STK32B: variants seen among roughly 807,000 people sequenced by gnomAD.
STK32B encodes the protein serine/threonine-protein kinase 32B.
STK32B carries 43 observed loss-of-function variants against 52.6 expected under a neutral mutation model. The ratio of observed to expected loss-of-function variants is 0.82; its 90% CI spans 0.64 to 1.05. The LOEUF (loss-of-function observed/expected upper bound fraction) is 1.05. STK32B is among the 50% of genes least tolerant of loss of function. STK32B has a pLI of 0.00. For missense variants in STK32B, 621 were observed against 534.6 expected (o/e 1.16, Z -1.59); for synonymous variants, 238 against 204.3 (o/e 1.17, Z -1.41).
intron 1 of STK32B, among the ~76,000 whole-genome samples, chr4:5,099,146 T>C (rs1469922836): frequency 6.6e-6 from 1 of 152,156 alleles, no homozygotes; most frequent in Non-Finnish European, 1.5e-5. Flanking sequence ...CCTCCTGTCT[T>C]CAAAGCCAGC....
intron 3 of STK32B, among the ~76,000 whole-genome samples, chr4:5,244,577 T>C (rs2108822016): frequency 6.6e-6 from 1 of 152,362 alleles, no homozygotes; most frequent in East Asian, 1.9e-4. Flanking sequence ...TCTGTTTCCT[T>C]CAGTTCTGCT....
At chr4:5,078,259 G>A (rs894557911) in intron 1 of STK32B, among the ~76,000 whole-genome samples, 1 of 152,150 alleles carries the variant, frequency 6.6e-6, no homozygotes, top group African/African-American at 2.4e-5. Flanking sequence ...GCCAAAATGT[G>A]CTGGACTTCC....
chr4:5,496,539 A>G lies in STK32B; in HGVS notation c.1107-2406A>G, dbSNP rs561165481. On this transcript the variant is annotated intron_variant, in intron 11 of 11. Transcript: ENST00000282908. ...CCCCTTGCGCTTCCCGAGTGAGGCA[A>G]TGCCTTGCCCTGCACCCACTGTCCT... Among the ~76,000 whole-genome samples the G allele has an allele frequency of 6.4e-4, 79 of 123,170 alleles. 1 individual carries two copies. Among genetic ancestry groups the G allele is most frequent in the African/African-American group, 3.1e-3 (64 of 20,742 alleles). The allele number at this position is 123,170 out of a possible 152,430, so 80.8% of individuals were successfully genotyped here.
chr4:5,340,464 G>C, intron 4 of STK32B, among the ~76,000 whole-genome samples: 1 of 152,234 alleles, frequency 6.6e-6, no homozygotes, highest in East Asian at 1.9e-4. Context: ...GGTGGAGCCT[G>C]TATTGCAAGG....
intron 4 of STK32B, among the ~76,000 whole-genome samples, chr4:5,385,151 C>T (rs940078915): frequency 3.9e-5 from 6 of 152,072 alleles, no homozygotes; most frequent in African/African-American, 1.4e-4. Flanking sequence ...AAGGGTGAGG[C>T]TTTCCCTCCT....
rs766107862 is a variant in STK32B at position 5,331,272 on chromosome 4, G to A, written c.313G>A (p.Gly105Arg). ...GTTCATGGTGGTGGACCTGCTCCTG[G>A]GAGGCGACCTGCGCTACCATCTGCA... ...DMFMVVDLLL[G>R]GDLRYHLQQN... Residue 105 changes from glycine to arginine, a missense_variant, in exon 4 of 12, where the codon GGA becomes AGA. Gly to Arg is a moderately radical substitution (Grantham distance 125, BLOSUM62 -2). Coordinates refer to ENST00000282908, the MANE Select transcript of STK32B (RefSeq NM_018401.3). 6.2e-7 allele frequency: 1 copy of A among 1,613,862 alleles called. No homozygotes were observed. The highest frequency in any genetic ancestry group is 1.1e-5 in the South Asian group (1 of 91,016).
rs770594357 is a variant in STK32B, at chr4:5,400,077, A to G, written c.472+1833A>G. 6.6e-6 allele frequency among the ~76,000 whole-genome samples: 1 copy of G among 152,192 alleles called. No individual in the cohort carries two copies. Among genetic ancestry groups the G allele is most frequent in the Non-Finnish European group, 1.5e-5 (1 of 68,030 alleles). ...AAGCAAAATTCAGACAGAAACATCA[A>G]TAGCAATAAGCTAGCCATTGCACTG... On this transcript the variant is annotated intron_variant, in intron 5 of 11. Coordinates refer to ENST00000282908, the MANE Select transcript of STK32B (RefSeq NM_018401.3). The surrounding 1 kb of genome is among the most constrained non-coding windows in gnomAD (Gnocchi z 6.1).
intron 4 of STK32B, among the ~76,000 whole-genome samples, chr4:5,359,186 G>A (rs922456752): frequency 8.5e-5 from 13 of 152,144 alleles, no homozygotes; most frequent in Admixed American, 5.2e-4. Flanking sequence ...GGAAATTAAA[G>A]AGGAAAATGG....
At chr4:5,316,168 T>TATATATATAACTAA (rs1730679744) in intron 3 of STK32B, among the ~76,000 whole-genome samples, 2 of 100,980 alleles carry the variant, frequency 2.0e-5, no homozygotes, top group Non-Finnish European at 3.4e-5. Context: ...TATAACTAAA[T>TATATATATAACTAA]ATATATATAA....
chr4:5,315,387 G>A (rs997900937), intron 3 of STK32B, among the ~76,000 whole-genome samples: 1 of 151,956 alleles, frequency 6.6e-6, no homozygotes, highest in Non-Finnish European at 1.5e-5. Flanking sequence ...ACTTTAAGAG[G>A]GAAGATAAGC....
At chr4:5,466,855 G>T (rs541033241) in intron 10 of STK32B, 21 bp downstream of exon 10, 1 of 1,607,538 alleles carries the variant, frequency 6.2e-7, no homozygotes, top group East Asian at 2.2e-5. Flanking sequence ...CGTGGGAGCC[G>T]TTCCGGGAGA....
At chr4:5,023,705 G>T in the STK32B span, among the ~76,000 whole-genome samples, 1 of 152,080 alleles carries the variant, frequency 6.6e-6, no homozygotes, top group Non-Finnish European at 1.5e-5. Context: ...GTGGCCTCAA[G>T]ACCCTTCAAT....
intron 2 of STK32B, among the ~76,000 whole-genome samples, chr4:5,151,260 G>C (rs1717343304): frequency 6.6e-6 from 1 of 152,186 alleles, no homozygotes; most frequent in African/African-American, 2.4e-5. Context: ...AGGTTAAAAT[G>C]CTAAATAATC....
At chr4:5,439,978 C>A (rs1714552420) in intron 6 of STK32B, among the ~76,000 whole-genome samples, 2 of 152,152 alleles carry the variant, frequency 1.3e-5, no homozygotes, top group Admixed American at 1.3e-4. Context: ...TGTTTTGGTA[C>A]AAGTACCATG....
chr4:5,139,601 T>C (rs1027838466), intron 1 of STK32B: 4 of 381,074 alleles, frequency 1.0e-5, no homozygotes, highest in Non-Finnish European at 1.5e-5. Flanking sequence ...CCTGTCTTGG[T>C]GTAGGGAAAC....
At chr4:5,037,166 C>G in the STK32B span, among the ~76,000 whole-genome samples, 1 of 152,158 alleles carries the variant, frequency 6.6e-6, no homozygotes, top group Admixed American at 6.5e-5. Context: ...TTTCTATCCA[C>G]TAGGGCCAGT....
intron 4 of STK32B, among the ~76,000 whole-genome samples, chr4:5,362,268 A>G (rs974283380): frequency 1.3e-5 from 2 of 152,220 alleles, no homozygotes; most frequent in Non-Finnish European, 2.9e-5. Flanking sequence ...TAAGCCCCAG[A>G]CATTGAATGA....
intron 1 of STK32B, among the ~76,000 whole-genome samples, chr4:5,138,976 T>A (rs1577096282): frequency 6.6e-6 from 1 of 152,110 alleles, no homozygotes; most frequent in East Asian, 1.9e-4. Flanking sequence ...GGAGGGGACA[T>A]CGGAGGGGAG....
the STK32B span, among the ~76,000 whole-genome samples, chr4:5,043,895 G>A: frequency 6.6e-6 from 1 of 152,240 alleles, no homozygotes; most frequent in Non-Finnish European, 1.5e-5. Flanking sequence ...CAAGCTCAGG[G>A]CATGTTGGCT....
Sources: allele counts gnomAD v4.1 joint callset (sites outside exome capture counted in the v4.1 genomes callset), GRCh38; gene constraint gnomAD v4.1.1; non-coding constraint Gnocchi (gnomAD v3.1); transcripts MANE v1.5; gene names NCBI Gene and HGNC (gene_info 2026-07-23, HGNC 2026-07-21).